The following PAH variants were observed in gnomAD, a reference collection of about 807,000 sequenced individuals.
The protein encoded by PAH is phenylalanine hydroxylase.
PAH carries 64 observed loss-of-function variants against 62.0 expected under a neutral mutation model. That is an observed-to-expected ratio of 1.03 (90% CI 0.84 to 1.27). The LOEUF is 1.27. Among genes scored for constraint, PAH ranks in the 50% most tolerant of loss-of-function variants. The pLI, the probability that PAH is intolerant of heterozygous loss-of-function variation, is 0.00. For missense variants in PAH, 579 were observed against 542.8 expected, an observed-to-expected ratio of 1.07 and a Z score of -0.66; for synonymous variants, 195 against 196.2, an observed-to-expected ratio of 0.99 and a Z score of 0.05.
At chr12:102,949,139 T>C (rs1044438282) in intron 1 of PAH, among the ~76,000 whole-genome samples, 2 of 152,146 alleles carry the variant, frequency 1.3e-5, no homozygotes, top group African/African-American at 4.8e-5. Context: ...TCCCAAGCAA[T>C]GCTGTCGGCG....
intron 3 of PAH, among the ~76,000 whole-genome samples, chr12:102,888,961 A>C (rs1877153218): frequency 6.6e-6 from 1 of 152,054 alleles, no homozygotes; most frequent in Non-Finnish European, 1.5e-5. Flanking sequence ...TAGAACTGAG[A>C]AGAGGGCAAT....
At chr12:102,934,137 G>T (rs1182904019) in intron 1 of PAH, among the ~76,000 whole-genome samples, 4 of 152,020 alleles carry the variant, frequency 2.6e-5, no homozygotes, top group Non-Finnish European at 5.9e-5. Context: ...TCATTCCTCT[G>T]CATATGAGTT....
intron 3 of PAH, among the ~76,000 whole-genome samples, chr12:102,893,027 C>T (rs76809619): frequency 0.034 from 5,202 of 152,056 alleles, 117 homozygotes; most frequent in African/African-American, 0.06. Flanking sequence ...ATAGAAGAAA[C>T]TGAGGTAGGG....
In PAH at chr12:102,957,358, C is replaced by A. The variant is rs1879947381; in HGVS notation, c.-96+837G>T. Among the ~76,000 whole-genome samples, 1 of 152,152 alleles carries A rather than the reference C, an allele frequency of 6.6e-6. No homozygotes were observed. Among genetic ancestry groups the A allele is most frequent in the African/African-American group, 2.4e-5 (1 of 41,442 alleles). On this transcript the variant is annotated intron_variant, in intron 1 of 4. Coordinates refer to the PAH transcript ENST00000551337. This position sits in a 1 kb window ranked among gnomAD's most constrained non-coding sequence, Gnocchi z 4.1. Reference sequence around the variant, plus strand: ...CCCCCCACCCCCTTCCTAAAGCCACCCCCGGCAGCAGCCCGCCCCGAGCGC... The same window carrying A: ...CCCCCCACCCCCTTCCTAAAGCCACACCCGGCAGCAGCCCGCCCCGAGCGC...
intron 1 of PAH, among the ~76,000 whole-genome samples, chr12:102,930,210 C>T (rs903529902): frequency 3.9e-5 from 6 of 152,054 alleles, no homozygotes; most frequent in African/African-American, 1.4e-4. Context: ...TTATTTCTGC[C>T]ATTCATTCAT....
intron 3 of PAH, among the ~76,000 whole-genome samples, 172 bp from the exon 4 acceptor site, chr12:102,877,722 C>A (rs74392296): frequency 1.3e-5 from 2 of 152,298 alleles, no homozygotes; most frequent in South Asian, 4.2e-4. Context: ...CCTTAGAAAC[C>A]GGTTTTAAAA....
intron 3 of PAH, among the ~76,000 whole-genome samples, chr12:102,883,823 A>ACCACCTAGCTCCAATCTCTT (rs2136687801): frequency 6.6e-6 from 1 of 152,330 alleles, no homozygotes; most frequent in African/African-American, 2.4e-5. Context: ...TTGGAGCCAG[A>ACCACCTAGCTCCAATCTCTT]CCACCTAGCT....
intron 1 of PAH, among the ~76,000 whole-genome samples, chr12:102,947,110 T>G (rs1879529253): frequency 6.6e-6 from 1 of 152,174 alleles, no homozygotes. Context: ...GAAAATGATT[T>G]AAATTCAGAT....
intron 10 of PAH, 112 bp from the exon 11 acceptor site, chr12:102,843,891 A>G: frequency 8.3e-7 from 1 of 1,201,262 alleles, no homozygotes; most frequent in East Asian, 2.3e-5. Flanking sequence ...GATTCCTTCT[A>G]CATCACAGCC....
At chr12:102,907,387 A>G (rs1490368522) in intron 2 of PAH, among the ~76,000 whole-genome samples, 1 of 152,174 alleles carries the variant, frequency 6.6e-6, no homozygotes, top group Non-Finnish European at 1.5e-5. Context: ...TCAGAGTTCA[A>G]TGCCATTTCC....
In PAH at chr12:102,897,492, T is replaced by TATATATATATATAA. The variant is rs1379613102; in HGVS notation, c.169-2575_169-2574insTTATATATATATAT. Reference sequence around the variant, plus strand: ...ATATATATATATATATATATATATATAATTCAAACTGACATTTATTCTTGG... The same window carrying TATATATATATATAA: ...ATATATATATATATATATATATATATATATATATATATAAAATTCAAACTGACATTTATTCTTGG... On this transcript the variant is annotated intron_variant, in intron 2 of 12. Coordinates refer to ENST00000553106, the MANE Select transcript of PAH (RefSeq NM_000277.3). Among the ~76,000 whole-genome samples the TATATATATATATAA allele has an allele frequency of 7.1e-3, 974 of 137,072 alleles. 24 individuals carry two copies. The highest frequency in any genetic ancestry group is 0.03 in the African/African-American group (923 of 30,952). The allele number at this position is 137,072 out of a possible 152,430, so 89.9% of individuals were successfully genotyped here.
chr12:102,889,027 C>G (rs1243572897), intron 3 of PAH, among the ~76,000 whole-genome samples: 1 of 152,008 alleles, frequency 6.6e-6, no homozygotes, highest in African/African-American at 2.4e-5. Context: ...AAGAAAAGTG[C>G]AGGTGGTGGG....
intron 2 of PAH, among the ~76,000 whole-genome samples, chr12:102,910,434 G>C (rs532690930): frequency 6.6e-6 from 1 of 150,386 alleles, no homozygotes; most frequent in African/African-American, 2.5e-5. Context: ...GCAGTGGCAC[G>C]ATCCGGGCTC....
intron 1 of PAH, among the ~76,000 whole-genome samples, chr12:102,924,887 T>C (rs1365061573): frequency 6.6e-6 from 1 of 152,134 alleles, no homozygotes; most frequent in Non-Finnish European, 1.5e-5. Flanking sequence ...TGTAAATTCA[T>C]TTGGATTCCT....
At chr12:102,877,642 G>T in intron 3 of PAH, 92 bp from the exon 4 acceptor site, 1 of 922,056 alleles carries the variant, frequency 1.1e-6, no homozygotes, top group African/African-American at 1.6e-5. Context: ...CCCAGCCAAT[G>T]GTGATGGCAA....
chr12:102,895,957 G>A (rs1172228292), intron 2 of PAH, among the ~76,000 whole-genome samples: 1 of 150,818 alleles, frequency 6.6e-6, no homozygotes, highest in East Asian at 1.9e-4. Context: ...CCCAACAGTG[G>A]CCAATCATCC....
At chr12:102,920,756 G>A (rs1193337101), upstream of PAH, among the ~76,000 whole-genome samples, 2 of 152,248 alleles carry the variant, frequency 1.3e-5, no homozygotes, top group East Asian at 3.9e-4. Context: ...TGGCACTATA[G>A]ATTTACTACA....
intron 11 of PAH, among the ~76,000 whole-genome samples, chr12:102,842,088 G>T (rs1454746434): frequency 6.6e-6 from 1 of 152,190 alleles, no homozygotes; most frequent in East Asian, 1.9e-4. Context: ...CCTCGGTACT[G>T]ACAGGCCTGT....
intron 1 of PAH, among the ~76,000 whole-genome samples, chr12:102,939,011 G>A (rs913032225): frequency 3.3e-5 from 5 of 151,864 alleles, no homozygotes; most frequent in African/African-American, 1.2e-4. Flanking sequence ...GTTGGGGAAC[G>A]CACAAAGACC....
Sources: allele counts gnomAD v4.1 joint callset (sites outside exome capture counted in the v4.1 genomes callset), GRCh38; gene constraint gnomAD v4.1.1; non-coding constraint Gnocchi (gnomAD v3.1); transcripts MANE v1.5; gene names NCBI Gene and HGNC (gene_info 2026-07-23, HGNC 2026-07-21).